Variants in TECTA observed in about 807,000 individuals in gnomAD.
The protein encoded by TECTA is tectorin alpha, also known as alpha-tectorin.
Under a neutral mutation model 216.8 loss-of-function variants are expected in TECTA, and 128 were observed. That is an observed-to-expected ratio of 0.59 (90% CI 0.51 to 0.68). The LOEUF (loss-of-function observed/expected upper bound fraction) is 0.68. Ranked by LOEUF, TECTA falls within the 30% of genes least tolerant of loss-of-function variation. TECTA has a pLI of 0.00. For missense variants in TECTA, 2,551 were observed against 2,786.2 expected (o/e 0.92, Z 1.90); for synonymous variants, 1,089 against 1,117.1 (o/e 0.97, Z 0.50).
chr11:121,130,283 A>G, intron 10 of TECTA, 72 bp downstream of exon 10: 1 of 1,541,446 alleles, frequency 6.5e-7, no homozygotes, highest in South Asian at 1.2e-5. Context: ...CTTACTCAGG[A>G]CTTCCCTTCC....
chr11:121,179,302 C>G (rs183245149), intron 20 of TECTA, among the ~76,000 whole-genome samples: 29 of 152,126 alleles, frequency 1.9e-4, no homozygotes, highest in Admixed American at 7.9e-4. Flanking sequence ...AGTGCTTGTT[C>G]AGGAGCATGT....
Position 121,127,603 on chromosome 11 carries a change from A to G in TECTA, c.1775-149A>G. The stretch of plus-strand genomic sequence containing the variant: ...GGAGAGTCATTGAGCTGGGTTTTAC[A>G]GATACAACCTCAATTCTGTCTTCCC... On this transcript the variant is annotated intron_variant, in intron 8 of 23. Transcript: ENST00000392793. The surrounding 1 kb of genome is among the most constrained non-coding windows in gnomAD (Gnocchi z 5.0). 1 of 835,900 alleles carries G rather than the reference A, an allele frequency of 1.2e-6. No individual in the cohort carries two copies. The highest frequency in any genetic ancestry group is 2.0e-6 in the Non-Finnish European group (1 of 502,758). 51.8% of individuals were successfully genotyped at this position (835,900 alleles called of 1,614,324 possible).
At chr11:121,134,755 T>A (rs12802185) in intron 10 of TECTA, among the ~76,000 whole-genome samples, 29,134 of 152,064 alleles carry the variant, frequency 0.19, 2,983 homozygotes, top group East Asian at 0.24. Flanking sequence ...TGCCGTCCTT[T>A]TAGACTGCTA....
intron 15 of TECTA, 62 bp from the exon 16 acceptor site, chr11:121,162,013 A>T: frequency 1.2e-6 from 2 of 1,608,146 alleles, no homozygotes; most frequent in Admixed American, 3.3e-5. Flanking sequence ...ACAGGTACAG[A>T]TGCAATTTAC....
At chr11:121,103,486 C>T (rs1320307773) in intron 2 of TECTA, among the ~76,000 whole-genome samples, 4 of 152,048 alleles carry the variant, frequency 2.6e-5, no homozygotes, top group African/African-American at 9.7e-5. Flanking sequence ...TGAATTTAAG[C>T]AGTTAAACCA....
chr11:121,189,803 TTTGCAC>T lies in TECTA; in HGVS notation c.6291_6296del (p.Ile2097_Thr2099delinsMet). 1 of 1,613,990 alleles carries T rather than the reference TTTGCAC, an allele frequency of 6.2e-7. No homozygotes were observed. The highest frequency in any genetic ancestry group is 8.5e-7 in the Non-Finnish European group (1 of 1,179,974). ...GAGGACAATGGAGGGTGTGAGCAGA[TTTGCAC>T]GAGCCGGGTGGATGGGCCTCTCTGC... On this transcript the variant is annotated inframe_deletion, in exon 23 of 24. Transcript: ENST00000392793.
chr11:121,129,593 G>GCT (rs1382787461), intron 9 of TECTA, 45 bp from the exon 10 acceptor site: 6 of 1,592,868 alleles, frequency 3.8e-6, no homozygotes, highest in Non-Finnish European at 5.2e-6. Flanking sequence ...AATGGAAAGT[G>GCT]CTCTGTGTGT....
At chr11:121,150,660 T>A in intron 12 of TECTA, among the ~76,000 whole-genome samples, 1 of 141,596 alleles carries the variant, frequency 7.1e-6, no homozygotes, top group East Asian at 2.2e-4. Context: ...TTTTTTTTTT[T>A]TTTTGAGATG....
In TECTA at chr11:121,125,775, C is replaced by A; in HGVS notation, c.1677C>A (p.Asp559Glu). ...SCVYDLCSVR[D>E]NGTLLCQAIQ... ...TGTATGACCTGTGCAGTGTGAGGGACAATGGCACGCTCCTCTGCCAAGCCA... is the reference window on the plus strand; with the variant it reads ...TGTATGACCTGTGCAGTGTGAGGGAAAATGGCACGCTCCTCTGCCAAGCCA... Residue 559 changes from aspartate (D) to glutamate (E), a missense_variant, in exon 8 of 24, where the codon GAC (aspartate) becomes GAA (glutamate). Transcript: ENST00000392793. 1.9e-6 allele frequency: 3 copies of A among 1,614,152 alleles called. No individual in the cohort carries two copies. The highest frequency in any genetic ancestry group is 2.5e-6 in the Non-Finnish European group (3 of 1,180,048).
chr11:121,105,701 C>T lies in TECTA; in HGVS notation c.65-130C>T, dbSNP rs990721056. On this transcript the variant is annotated intron_variant, in intron 2 of 23. Transcript: ENST00000392793. This position sits in a 1 kb window ranked among gnomAD's most constrained non-coding sequence, Gnocchi z 5.3. ...TATGGCCTAGGTTTAGGATGAATGACAGGGCAGTATGACTTGCATTCAGCT... is the reference window on the plus strand; with the variant it reads ...TATGGCCTAGGTTTAGGATGAATGATAGGGCAGTATGACTTGCATTCAGCT... 5 of 1,171,748 alleles carry T rather than the reference C, an allele frequency of 4.3e-6. No homozygotes were observed. Among genetic ancestry groups the T allele is most frequent in the Admixed American group, 2.0e-5 (1 of 51,012 alleles). 72.6% of individuals were successfully genotyped at this position (1,171,748 alleles called of 1,614,324 possible). A position where few individuals can be genotyped will look rare whatever the true frequency, so the allele number is the denominator to read the frequency against.
At chr11:121,187,591 T>G (rs1321866522) in intron 20 of TECTA, among the ~76,000 whole-genome samples, 1 of 152,234 alleles carries the variant, frequency 6.6e-6, no homozygotes, top group African/African-American at 2.4e-5. Context: ...CGTTTTGTTT[T>G]TAGTTGCAGT....
intron 11 of TECTA, among the ~76,000 whole-genome samples, chr11:121,141,733 G>A (rs1193512585): frequency 6.6e-6 from 1 of 152,216 alleles, no homozygotes; most frequent in South Asian, 2.1e-4. Context: ...GAAGAGTAGG[G>A]TTTTGGGCAT....
Position 121,164,205 on chromosome 11 carries a change from T to G in TECTA, c.5273-1068T>G, listed in dbSNP as rs374909471. Among the ~76,000 whole-genome samples, 5 of 152,314 alleles carry G rather than the reference T, an allele frequency of 3.3e-5. No individual in the cohort carries two copies. The East Asian group carries it at 9.6e-4, about 29-fold the overall frequency. ...GTGGTGAGAACATGAAACTCTACTCTGTTGGTAATTTTCAAGTGTACAGTG... is the reference window on the plus strand; with the variant it reads ...GTGGTGAGAACATGAAACTCTACTCGGTTGGTAATTTTCAAGTGTACAGTG... On this transcript the variant is annotated intron_variant, in intron 16 of 23. Transcript: ENST00000392793.
chr11:121,122,233 T>C (rs1412234982), intron 7 of TECTA, among the ~76,000 whole-genome samples: 1 of 152,132 alleles, frequency 6.6e-6, no homozygotes, highest in Non-Finnish European at 1.5e-5. Context: ...GGTGATTATG[T>C]CATGAGGGTG....
At chr11:121,151,801 A>G (rs951932384) in intron 12 of TECTA, among the ~76,000 whole-genome samples, 9 of 152,250 alleles carry the variant, frequency 5.9e-5, no homozygotes, top group African/African-American at 2.2e-4. Flanking sequence ...TATATAATTT[A>G]AAAAATGAAA....
chr11:121,170,372 T>C (rs1947098593), intron 20 of TECTA, among the ~76,000 whole-genome samples: 1 of 152,128 alleles, frequency 6.6e-6, no homozygotes, highest in Non-Finnish European at 1.5e-5. Context: ...AAATACCCAG[T>C]AGTGGCCTTG....
chr11:121,146,611 G>T (rs1301443302), intron 12 of TECTA, among the ~76,000 whole-genome samples: 1 of 152,198 alleles, frequency 6.6e-6, no homozygotes, highest in Admixed American at 6.5e-5. Context: ...AGGAACTAGA[G>T]CCCCTGGATT....
At chr11:121,148,819 T>C (rs2135110212) in intron 12 of TECTA, among the ~76,000 whole-genome samples, 1 of 152,334 alleles carries the variant, frequency 6.6e-6, no homozygotes, top group Non-Finnish European at 1.5e-5. Flanking sequence ...TGTAAACTCG[T>C]TGGAAAATCT....
At position 121,129,885 on chromosome 11, in the gene TECTA, C is replaced by A. The variant is rs1441677399; in HGVS notation, c.2615C>A (p.Ala872Glu). 3.1e-6 allele frequency: 5 copies of A among 1,614,046 alleles called. No homozygotes were observed. Among genetic ancestry groups the A allele is most frequent in the Admixed American group, 1.7e-5 (1 of 60,006 alleles). ...LPNGKCTDNL[A>E]VFLESWTTFE... ...AACGGCAAGTGCACGGACAACCTGG[C>A]AGTGTTCCTGGAAAGCTGGACAACT... The change falls in exon 10 of 24, where the codon GCA (alanine) becomes GAA (glutamate). Residue 872 changes from alanine to glutamate, a missense_variant. Coordinates refer to ENST00000392793, the MANE Select transcript of TECTA (RefSeq NM_005422.4).
Sources: allele counts gnomAD v4.1 joint callset (sites outside exome capture counted in the v4.1 genomes callset), GRCh38; gene constraint gnomAD v4.1.1; non-coding constraint Gnocchi (gnomAD v3.1); transcripts MANE v1.5; gene names NCBI Gene and HGNC (gene_info 2026-07-23, HGNC 2026-07-21).